Variants in NAALADL2 observed in about 807,000 individuals in gnomAD.
NAALADL2 encodes the protein inactive N-acetylated-alpha-linked acidic dipeptidase-like protein 2.
NAALADL2 carries 76 observed loss-of-function variants against 87.2 expected under a neutral mutation model. That is an observed-to-expected ratio of 0.87 (90% confidence interval 0.72 to 1.05). The LOEUF (loss-of-function observed/expected upper bound fraction) is 1.05. Among genes scored for constraint, NAALADL2 ranks in the 50% least tolerant of loss-of-function variants. NAALADL2 has a pLI of 0.00. For missense variants in NAALADL2, 1,089 were observed against 945.8 expected (o/e 1.15, Z -1.99); for synonymous variants, 354 against 331.0 (o/e 1.07, Z -0.75).
chr3:175,001,068 CCCAGACAGGAGACTTTCAGTGCTAAA>C (rs1160096961), intron 1 of NAALADL2, among the ~76,000 whole-genome samples: 16 of 152,178 alleles, frequency 1.1e-4, no homozygotes, highest in Non-Finnish European at 2.2e-4. Flanking sequence ...TGAGGGGTTT[CCCAGACAGGAGACTTTCAGTGCTAAA>C]ATGAGGAAGG....
chr3:174,604,191 A>C (rs978089386), intron 2 of NAALADL2, among the ~76,000 whole-genome samples: 1 of 152,148 alleles, frequency 6.6e-6, no homozygotes, highest in Non-Finnish European at 1.5e-5. Context: ...GTCTCTAACT[A>C]TTATTGTATT....
intron 2 of NAALADL2, among the ~76,000 whole-genome samples, chr3:174,597,850 C>T (rs965535789): frequency 2.6e-5 from 4 of 152,188 alleles, no homozygotes; most frequent in African/African-American, 9.6e-5. Flanking sequence ...TTGAGAATCC[C>T]TCTTTTCACC....
chr3:174,901,873 T>G (rs1282181714), intron 1 of NAALADL2, among the ~76,000 whole-genome samples: 1 of 152,196 alleles, frequency 6.6e-6, no homozygotes, highest in Non-Finnish European at 1.5e-5. Context: ...ATGTTGTGAT[T>G]TATGTATGGC....
chr3:175,506,928 T>G (rs1365927526), intron 9 of NAALADL2, among the ~76,000 whole-genome samples: 1 of 152,092 alleles, frequency 6.6e-6, no homozygotes, highest in Non-Finnish European at 1.5e-5. Flanking sequence ...GAGGGGGAAA[T>G]GACATGCACG....
chr3:175,236,245 G>A (rs954590805), intron 3 of NAALADL2, among the ~76,000 whole-genome samples: 4 of 152,106 alleles, frequency 2.6e-5, no homozygotes, highest in Non-Finnish European at 5.9e-5. Context: ...ATACTGGCCG[G>A]GCACTGTGGC....
At chr3:175,423,474 T>A (rs572537633) in intron 5 of NAALADL2, among the ~76,000 whole-genome samples, 17 of 144,370 alleles carry the variant, frequency 1.2e-4, no homozygotes, top group Middle Eastern at 3.4e-3. Context: ...TGTCCATGTG[T>A]TCTCATTGTT....
At chr3:175,172,832 C>T (rs1043181532) in intron 2 of NAALADL2, among the ~76,000 whole-genome samples, 16 of 152,040 alleles carry the variant, frequency 1.1e-4, no homozygotes, top group East Asian at 5.8e-4. Flanking sequence ...GAATACTTGG[C>T]GAACTTTAAT....
At chr3:175,745,582 T>C (rs989388747) in intron 12 of NAALADL2, among the ~76,000 whole-genome samples, 4 of 152,132 alleles carry the variant, frequency 2.6e-5, no homozygotes, top group African/African-American at 9.7e-5. Flanking sequence ...CTGAATTGCT[T>C]GGGGAATAAT....
At chr3:175,420,374 T>C (rs928184264) in intron 5 of NAALADL2, among the ~76,000 whole-genome samples, 2 of 152,130 alleles carry the variant, frequency 1.3e-5, no homozygotes, top group Non-Finnish European at 2.9e-5. Context: ...CAGAATAAGA[T>C]GACACATTTT....
intron 2 of NAALADL2, among the ~76,000 whole-genome samples, chr3:174,659,987 G>A (rs557371026): frequency 6.6e-6 from 1 of 151,938 alleles, no homozygotes; most frequent in East Asian, 1.9e-4. Context: ...TTTTTCTTGA[G>A]GCAAAATTTT....
intron 2 of NAALADL2, among the ~76,000 whole-genome samples, chr3:175,196,573 C>T (rs867199078): frequency 2.8e-4 from 42 of 151,984 alleles, no homozygotes; most frequent in African/African-American, 9.6e-4. Context: ...TATCCACCTT[C>T]CTTTTGCTTT....
chr3:174,829,171 T>A (rs1722335214), intron 3 of NAALADL2, among the ~76,000 whole-genome samples: 1 of 151,906 alleles, frequency 6.6e-6, no homozygotes, highest in Admixed American at 6.6e-5. Flanking sequence ...TTGTGCAGGT[T>A]AGTTACATAT....
chr3:175,666,599 C>A (rs1054181295), intron 11 of NAALADL2, among the ~76,000 whole-genome samples: 1 of 152,138 alleles, frequency 6.6e-6, no homozygotes, highest in South Asian at 2.1e-4. Flanking sequence ...CATTATTATG[C>A]ACGATGAGCC....
At chr3:174,852,156 C>T (rs1400067551) in intron 3 of NAALADL2, among the ~76,000 whole-genome samples, 1 of 151,936 alleles carries the variant, frequency 6.6e-6, no homozygotes, top group East Asian at 1.9e-4. Context: ...TTCTAAGATC[C>T]AGAATAAGAG....
chr3:175,799,152 C>G (rs1051582443), intron 13 of NAALADL2, among the ~76,000 whole-genome samples: 9 of 152,052 alleles, frequency 5.9e-5, no homozygotes, highest in Non-Finnish European at 1.3e-4. Flanking sequence ...CGATTGTACT[C>G]TCTCTTAAAT....
intron 2 of NAALADL2, among the ~76,000 whole-genome samples, chr3:174,707,029 C>A (rs1321917646): frequency 5.3e-5 from 8 of 152,142 alleles, no homozygotes; most frequent in East Asian, 1.9e-4. Flanking sequence ...ATGCAGCCAA[C>A]AGACACATGA....
intron 9 of NAALADL2, among the ~76,000 whole-genome samples, chr3:175,574,871 T>A (rs886616726): frequency 5.9e-5 from 9 of 152,200 alleles, no homozygotes; most frequent in African/African-American, 2.2e-4. Context: ...GTACATACTT[T>A]ATGCGCTTGT....
At chr3:175,656,437 T>C (rs1731471961) in intron 11 of NAALADL2, among the ~76,000 whole-genome samples, 1 of 152,182 alleles carries the variant, frequency 6.6e-6, no homozygotes, top group Admixed American at 6.5e-5. Context: ...GGATGAATAG[T>C]CCTGAAAACA....
intron 4 of NAALADL2, among the ~76,000 whole-genome samples, chr3:175,305,062 A>C (rs1263858122): frequency 6.6e-6 from 1 of 152,126 alleles, no homozygotes; most frequent in Non-Finnish European, 1.5e-5. Context: ...GCTCTGTGAT[A>C]CAAAGTTATT....
Sources: allele counts gnomAD v4.1 joint callset (sites outside exome capture counted in the v4.1 genomes callset), GRCh38; gene constraint gnomAD v4.1.1; transcripts MANE v1.5; gene names NCBI Gene and HGNC (gene_info 2026-07-23, HGNC 2026-07-21).